Variants in B3GALT1 observed in about 807,000 individuals in gnomAD.
The protein encoded by B3GALT1 is beta-1,3-galactosyltransferase 1.
B3GALT1 carries 10 observed loss-of-function variants against 23.2 expected under a neutral mutation model. That is an observed-to-expected ratio of 0.43 (90% CI 0.27 to 0.73). B3GALT1 has a LOEUF of 0.73. Ranked by LOEUF, B3GALT1 falls within the 30% of genes least tolerant of loss-of-function variation. B3GALT1 has a pLI of 0.21. For missense variants in B3GALT1, 299 were observed against 405.4 expected, an observed-to-expected ratio of 0.74 and a Z score of 2.25; for synonymous variants, 156 against 141.5, an observed-to-expected ratio of 1.10 and a Z score of -0.73.
intron 1 of B3GALT1, among the ~76,000 whole-genome samples, chr2:167,457,030 A>G (rs540837141): frequency 1.3e-4 from 20 of 152,282 alleles, no homozygotes; most frequent in East Asian, 1.9e-4. Context: ...AGGAGCTCAC[A>G]GCCACTAGTT....
At chr2:167,599,084 A>G (rs1202917733) in intron 2 of B3GALT1, among the ~76,000 whole-genome samples, 1 of 152,198 alleles carries the variant, frequency 6.6e-6, no homozygotes, top group Non-Finnish European at 1.5e-5. Context: ...GTGGTTGCTC[A>G]AGGTGAGCCA....
chr2:167,828,359 T>C (rs148986677), intron 4 of B3GALT1, among the ~76,000 whole-genome samples: 9 of 152,360 alleles, frequency 5.9e-5, no homozygotes, highest in Non-Finnish European at 1.2e-4. Context: ...TAACCTGTGA[T>C]GAACTGCCGA....
At chr2:167,526,011 G>C (rs183992190) in intron 2 of B3GALT1, among the ~76,000 whole-genome samples, 167 of 152,136 alleles carry the variant, frequency 1.1e-3, no homozygotes, top group African/African-American at 3.8e-3. Flanking sequence ...GGTTCAAGAT[G>C]CTCCTGGATC....
chr2:167,335,198 G>A (rs189549948), intron 1 of B3GALT1, among the ~76,000 whole-genome samples: 24 of 151,764 alleles, frequency 1.6e-4, no homozygotes, highest in Admixed American at 1.4e-3. Flanking sequence ...AAAAAAAAAC[G>A]GTGGGCGGGG....
intron 1 of B3GALT1, among the ~76,000 whole-genome samples, chr2:167,454,322 G>A (rs1469026813): frequency 6.6e-6 from 1 of 152,170 alleles, no homozygotes; most frequent in South Asian, 2.1e-4. Flanking sequence ...CAGTAGGACT[G>A]ACCTGGAGAA....
rs1175799802 is a variant in B3GALT1, at chr2:167,872,507, G to C, written c.*2487G>C. The C allele has an allele frequency of 6.6e-6, 1 of 152,208 alleles. No individual in the cohort carries two copies. The highest frequency in any genetic ancestry group is 2.4e-5 in the African/African-American group (1 of 41,442). 9.4% of individuals were successfully genotyped at this position (152,208 alleles called of 1,614,324 possible). ...CAACTGCTGTGAGTTCCAATCACTG[G>C]GAAAGTCTCACGACTTCTTACTTGG... On this transcript the variant is annotated 3_prime_UTR_variant, in exon 5 of 5. Transcript: ENST00000392690.
intron 1 of B3GALT1, among the ~76,000 whole-genome samples, chr2:167,482,918 G>C (rs1436647952): frequency 6.6e-6 from 1 of 152,122 alleles, no homozygotes; most frequent in Non-Finnish European, 1.5e-5. Context: ...GCTGTATTAT[G>C]ATAATTCTAA....
intron 4 of B3GALT1, among the ~76,000 whole-genome samples, chr2:167,840,079 G>A (rs975612738): frequency 1.3e-5 from 2 of 152,280 alleles, no homozygotes; most frequent in African/African-American, 4.8e-5. Flanking sequence ...AAAAACCCTA[G>A]AAGAAAACCT....
chr2:167,454,208 TGTGC>T (rs1422041542), intron 1 of B3GALT1, among the ~76,000 whole-genome samples: 3 of 151,360 alleles, frequency 2.0e-5, no homozygotes, highest in African/African-American at 7.3e-5. Context: ...TGTGTGTGTG[TGTGC>T]GCACGCGCGC....
chr2:167,557,428 T>A (rs541497580), intron 2 of B3GALT1, among the ~76,000 whole-genome samples: 55 of 152,232 alleles, frequency 3.6e-4, no homozygotes, highest in Non-Finnish European at 6.8e-4. Flanking sequence ...TTTAGGTTTG[T>A]TATATATTAT....
intron 3 of B3GALT1, among the ~76,000 whole-genome samples, chr2:167,718,709 G>A (rs1207914640): frequency 6.6e-6 from 1 of 152,074 alleles, no homozygotes; most frequent in Non-Finnish European, 1.5e-5. Context: ...GTGATGGGAG[G>A]ACAAAAGGGC....
At chr2:167,673,118 A>G (rs1212081797) in intron 3 of B3GALT1, among the ~76,000 whole-genome samples, 8 of 152,106 alleles carry the variant, frequency 5.3e-5, no homozygotes, top group Admixed American at 5.2e-4. Context: ...TTCCTATGAT[A>G]AGGCATGGGA....
chr2:167,353,873 G>A (rs1389498881), intron 1 of B3GALT1, among the ~76,000 whole-genome samples: 1 of 152,100 alleles, frequency 6.6e-6, no homozygotes, highest in Non-Finnish European at 1.5e-5. Flanking sequence ...TCTGAATGGT[G>A]AAATACAAAT....
At chr2:167,432,730 C>T (rs1037695140) in intron 1 of B3GALT1, among the ~76,000 whole-genome samples, 17 of 152,096 alleles carry the variant, frequency 1.1e-4, no homozygotes, top group Non-Finnish European at 1.9e-4. Flanking sequence ...ATAAAGTATT[C>T]AAAAGGCAGA....
chr2:167,368,889 C>T (rs1162956571), intron 1 of B3GALT1, among the ~76,000 whole-genome samples: 3 of 151,444 alleles, frequency 2.0e-5, no homozygotes, highest in African/African-American at 4.9e-5. Context: ...GTATTGCATG[C>T]TTCCCCCCCC....
intron 1 of B3GALT1, among the ~76,000 whole-genome samples, chr2:167,363,901 A>G (rs931571418): frequency 2.0e-5 from 3 of 152,028 alleles, no homozygotes; most frequent in African/African-American, 7.2e-5. Flanking sequence ...GCTCACACCT[A>G]TAATCCCAGC....
At chr2:167,339,527 T>A (rs1697115432) in intron 1 of B3GALT1, among the ~76,000 whole-genome samples, 1 of 152,094 alleles carries the variant, frequency 6.6e-6, no homozygotes, top group Admixed American at 6.6e-5. Flanking sequence ...ACCTTCAATT[T>A]TACTTGAAGT....
At chr2:167,408,283 A>G (rs1698338640) in intron 1 of B3GALT1, among the ~76,000 whole-genome samples, 1 of 152,252 alleles carries the variant, frequency 6.6e-6, no homozygotes, top group Admixed American at 6.5e-5. Context: ...GATTATTTGA[A>G]TAGATGCTGA....
chr2:167,812,443 A>T (rs1688908010), intron 3 of B3GALT1, among the ~76,000 whole-genome samples: 1 of 152,226 alleles, frequency 6.6e-6, no homozygotes, highest in Admixed American at 6.5e-5. Flanking sequence ...TTTGCTTGTT[A>T]TAAAGGTAAA....
Sources: gnomAD v4.1 joint callset for allele counts (sites outside exome capture counted in the v4.1 genomes callset) on GRCh38, gnomAD v4.1.1 for gene constraint, MANE v1.5 for transcripts, NCBI Gene and HGNC (gene_info 2026-07-23, HGNC 2026-07-21) for gene names.